The following PGM1 variants were observed in gnomAD, a reference collection of about 807,000 sequenced individuals.
PGM1 encodes the protein phosphoglucomutase 1, also known as phosphoglucomutase-1.
Under a neutral mutation model 55.6 loss-of-function variants are expected in PGM1, and 52 were observed. That is an observed-to-expected ratio of 0.94 (90% confidence interval 0.75 to 1.18). PGM1 has a LOEUF of 1.18. Among genes scored for constraint, PGM1 ranks in the 50% most tolerant of loss-of-function variants. The probability of loss-of-function intolerance (pLI) is 0.00; values close to 1 mark genes in which losing one functional copy is unlikely to be tolerated. For synonymous variants in PGM1, 287 were observed against 271.7 expected (o/e 1.06, Z -0.55); for missense variants, 724 against 729.3 (o/e 0.99, Z 0.08).
intron 5 of PGM1, among the ~76,000 whole-genome samples, 172 bp downstream of exon 5, chr1:63,635,191 G>A (rs1484241006): frequency 6.6e-6 from 1 of 152,172 alleles, no homozygotes; most frequent in Admixed American, 6.5e-5. Context: ...AGGAATAGGA[G>A]TCATTGAAAT....
intron 6 of PGM1, among the ~76,000 whole-genome samples, chr1:63,636,754 C>T (rs1400184236): frequency 6.6e-6 from 1 of 152,214 alleles, no homozygotes; most frequent in Non-Finnish European, 1.5e-5. Context: ...CACACACACA[C>T]ACATACACGT....
In PGM1 at chr1:63,631,801, T is replaced by C; in HGVS notation, c.682+19T>C. The stretch of plus-strand genomic sequence containing the variant: ...CATGGAGGTATACAATCATTTCTTT[T>C]CAATTCCCATCTCTTGAGGATAGGA... On this transcript the variant is annotated intron_variant, in intron 4 of 10. Coordinates refer to ENST00000371084, the MANE Select transcript of PGM1 (RefSeq NM_002633.3). The C allele has an allele frequency of 2.5e-6, 4 of 1,612,294 alleles. No homozygotes were observed. The highest frequency in any genetic ancestry group is 3.4e-6 in the Non-Finnish European group (4 of 1,178,372).
At chr1:63,629,348 T>C (rs1254157098) in intron 1 of PGM1, 77 bp from the exon 2 acceptor site, 8 of 1,208,736 alleles carry the variant, frequency 6.6e-6, no homozygotes, top group Non-Finnish European at 9.9e-6. Flanking sequence ...CATCTGCCTG[T>C]TGTCTTGGTG....
intron 7 of PGM1, among the ~76,000 whole-genome samples, chr1:63,642,580 A>G (rs766430717): frequency 6.6e-6 from 1 of 152,208 alleles, no homozygotes; most frequent in Non-Finnish European, 1.5e-5. Context: ...ACTGAATAGT[A>G]TACAATACCA....
At chr1:63,623,208 T>A in intron 1 of PGM1, 1 of 1,342,322 alleles carries the variant, frequency 7.4e-7, no homozygotes, top group Non-Finnish European at 9.5e-7. Flanking sequence ...GGCAGAAGTG[T>A]CCTCATCAAA....
intron 1 of PGM1, among the ~76,000 whole-genome samples, chr1:63,614,537 C>A (rs1470207055): frequency 6.6e-6 from 1 of 152,170 alleles, no homozygotes; most frequent in East Asian, 1.9e-4. Context: ...TTGCTGTTCA[C>A]CTGGCTGCAT....
chr1:63,593,926 A>G (rs2100948379), intron 1 of PGM1, 192 bp downstream of exon 1: 3 of 1,236,628 alleles, frequency 2.4e-6, no homozygotes, highest in East Asian at 3.8e-5. Context: ...GGCTGGGGAA[A>G]GTGGCCACGG....
At chr1:63,598,300 A>G (rs1417849719) in intron 1 of PGM1, among the ~76,000 whole-genome samples, 6 of 152,190 alleles carry the variant, frequency 3.9e-5, no homozygotes, top group Non-Finnish European at 7.3e-5. Flanking sequence ...TTTTTAAGTG[A>G]ATAAAACAAA....
At chr1:63,600,374 T>G (rs537801675) in intron 1 of PGM1, among the ~76,000 whole-genome samples, 31 of 152,344 alleles carry the variant, frequency 2.0e-4, no homozygotes, top group Non-Finnish European at 4.3e-4. Context: ...GTTTGTTTTG[T>G]TTTTGTAAAC....
chr1:63,645,910 G>A (rs1649633521), intron 7 of PGM1, among the ~76,000 whole-genome samples: 1 of 152,164 alleles, frequency 6.6e-6, no homozygotes, highest in South Asian at 2.1e-4. Context: ...ATAAATAAGA[G>A]ATGCCCGTAA....
intron 6 of PGM1, among the ~76,000 whole-genome samples, chr1:63,637,764 T>C (rs1649401250): frequency 6.6e-6 from 1 of 152,182 alleles, no homozygotes. Context: ...ACAGTGTAAT[T>C]CCAATTTTTG....
chr1:63,599,024 A>G (rs957681897), intron 1 of PGM1, among the ~76,000 whole-genome samples: 3 of 152,182 alleles, frequency 2.0e-5, no homozygotes, highest in African/African-American at 7.2e-5. Flanking sequence ...ACATTTCTTG[A>G]AAAGGAAATA....
In PGM1 at chr1:63,631,750, G is replaced by T; in HGVS notation, c.650G>T (p.Arg217Leu). The change falls in exon 4 of 11, where the codon CGA (arginine) becomes CTA (leucine). Residue 217 changes from arginine (R) to leucine (L), a missense_variant. By Grantham distance (102) the Arg-to-Leu change is moderately radical (BLOSUM62 -2). Coordinates refer to ENST00000371084, the MANE Select transcript of PGM1 (RefSeq NM_002633.3). ...ALKELLSGPN[R>L]LKIRIDAMHG... ...AAAGAACTACTTTCTGGGCCAAACCGACTGAAGATCCGTATTGATGCTATG... is the reference window on the plus strand; with the variant it reads ...AAAGAACTACTTTCTGGGCCAAACCTACTGAAGATCCGTATTGATGCTATG... The T allele has an allele frequency of 6.2e-7, 1 of 1,613,624 alleles. No homozygotes were observed. Among genetic ancestry groups the T allele is most frequent in the Non-Finnish European group, 8.5e-7 (1 of 1,179,632 alleles).
At chr1:63,596,689 G>C (rs765480678) in intron 1 of PGM1, among the ~76,000 whole-genome samples, 3 of 152,056 alleles carry the variant, frequency 2.0e-5, no homozygotes, top group Non-Finnish European at 4.4e-5. Flanking sequence ...AACCTTTCTT[G>C]ACACCCCATC....
chr1:63,654,126 C>G (rs1228449205), intron 9 of PGM1, among the ~76,000 whole-genome samples: 1 of 152,168 alleles, frequency 6.6e-6, no homozygotes, highest in Non-Finnish European at 1.5e-5. Context: ...AATGCTTCTC[C>G]CACCGTAGCT....
At chr1:63,641,060 T>C (rs1385766422) in intron 7 of PGM1, among the ~76,000 whole-genome samples, 2 of 152,266 alleles carry the variant, frequency 1.3e-5, no homozygotes, top group Non-Finnish European at 2.9e-5. Context: ...TTAAAGTTTT[T>C]ACCTAGAACT....
intron 1 of PGM1, 125 bp downstream of exon 1, chr1:63,593,859 C>G (rs1329529676): frequency 7.7e-7 from 1 of 1,296,522 alleles, no homozygotes; most frequent in African/African-American, 1.6e-5. Flanking sequence ...CCACCTCCCG[C>G]TCCTCCCTCT....
chr1:63,638,710 T>A lies in PGM1; in HGVS notation c.1054T>A (p.Leu352Met). Residue 352 changes from leucine (L) to methionine (M), a missense_variant, in exon 7 of 11, where the codon TTG becomes ATG. Leu to Met is a conservative substitution (Grantham distance 15). Around this residue, in one of 3 missense-constraint regions of PGM1, gnomAD observed 316 missense variants for 313.1 expected, o/e 1.01. Coordinates refer to ENST00000371084, the MANE Select transcript of PGM1 (RefSeq NM_002633.3). ...DRVASATKIA[L>M]YETPTGWKFF... is the part of the protein sequence containing the mutation. ...GGTGGCTAGTGCTACAAAGATTGCT[T>A]TGTATGAGACCCCAACTGGCTGGAA... 1 of 1,613,898 alleles carries A rather than the reference T, an allele frequency of 6.2e-7. No homozygotes were observed.
intron 10 of PGM1, among the ~76,000 whole-genome samples, chr1:63,658,017 A>G (rs564421462): frequency 2.0e-5 from 3 of 152,362 alleles, no homozygotes; most frequent in South Asian, 4.1e-4. Flanking sequence ...GTGGAATGGC[A>G]GTGGATGGTG....
Sources: gnomAD v4.1 joint callset for allele counts (sites outside exome capture counted in the v4.1 genomes callset) on GRCh38, gnomAD v4.1.1 for gene constraint, gnomAD v4.1.1 regional missense constraint, MANE v1.5 for transcripts, NCBI Gene and HGNC (gene_info 2026-07-23, HGNC 2026-07-21) for gene names.